RBFOX3: variants seen among roughly 807,000 people sequenced by gnomAD.
RBFOX3 encodes RNA binding fox-1 homolog 3, also known as RNA binding protein fox-1 homolog 3.
Under a neutral mutation model 48.7 loss-of-function variants are expected in RBFOX3, and 17 were observed. The ratio of observed to expected loss-of-function variants is 0.35; its 90% CI spans 0.24 to 0.52. RBFOX3 has a LOEUF of 0.52. Among genes scored for constraint, RBFOX3 ranks in the 20% least tolerant of loss-of-function variants. RBFOX3 has a pLI of 0.94. For synonymous variants in RBFOX3, 212 were observed against 209.5 expected (o/e 1.01, Z -0.10); for missense variants, 382 against 497.5 (o/e 0.77, Z 2.21).
At chr17:79,376,076 A>T (rs2147790348) in intron 2 of RBFOX3, among the ~76,000 whole-genome samples, 1 of 152,256 alleles carries the variant, frequency 6.6e-6, no homozygotes, top group Admixed American at 6.5e-5. Context: ...CCAGATGTGG[A>T]GTCTGAATGC....
At chr17:79,534,613 G>A (rs1469104830) in intron 1 of RBFOX3, among the ~76,000 whole-genome samples, 1 of 152,180 alleles carries the variant, frequency 6.6e-6, no homozygotes, top group Non-Finnish European at 1.5e-5. Flanking sequence ...CCTGAAGCTT[G>A]GTAGCAAATC....
chr17:79,642,412 T>C, the RBFOX3 span, among the ~76,000 whole-genome samples: 2 of 152,228 alleles, frequency 1.3e-5, no homozygotes, highest in African/African-American at 4.8e-5. Flanking sequence ...TTAATTTGCT[T>C]GATTGCAGTA....
At chr17:79,435,096 TG>T (rs2069149458) in intron 2 of RBFOX3, among the ~76,000 whole-genome samples, 3 of 152,244 alleles carry the variant, frequency 2.0e-5, no homozygotes, top group African/African-American at 7.2e-5. Context: ...TCCTTCAATC[TG>T]GGACCCCAAT....
chr17:79,163,211 C>T (rs1479266810), intron 4 of RBFOX3, among the ~76,000 whole-genome samples: 1 of 152,220 alleles, frequency 6.6e-6, no homozygotes, highest in Non-Finnish European at 1.5e-5. Flanking sequence ...GGCCAGCTCC[C>T]TCCTTGGGGC....
intron 1 of RBFOX3, among the ~76,000 whole-genome samples, chr17:79,518,687 C>T (rs1311006103): frequency 7.9e-5 from 12 of 152,198 alleles, no homozygotes; most frequent in Admixed American, 5.2e-4. Flanking sequence ...TCAGGCTCCC[C>T]GTGCAAAACC....
chr17:79,287,251 C>T (rs937202538), intron 3 of RBFOX3, among the ~76,000 whole-genome samples: 12 of 152,314 alleles, frequency 7.9e-5, no homozygotes, highest in Admixed American at 5.9e-4. Context: ...CTCCCAGGTG[C>T]GAGAAGGGCT....
At chr17:79,414,777 T>C (rs1316453) in intron 2 of RBFOX3, among the ~76,000 whole-genome samples, 42,822 of 150,130 alleles carry the variant, frequency 0.29, 7,240 homozygotes, top group East Asian at 0.42. Context: ...GCACTCCCGC[T>C]GGCGCGAACA....
At chr17:79,228,647 A>T (rs1317821286) in intron 4 of RBFOX3, among the ~76,000 whole-genome samples, 1 of 152,170 alleles carries the variant, frequency 6.6e-6, no homozygotes. Flanking sequence ...ATTTGCCAAC[A>T]AGCAGTGCCC....
chr17:79,413,401 T>C (rs961374345), intron 2 of RBFOX3, among the ~76,000 whole-genome samples: 5 of 152,352 alleles, frequency 3.3e-5, no homozygotes, highest in Admixed American at 3.3e-4. Context: ...AGAGGCTTTC[T>C]GAATTTCCAT....
chr17:79,199,997 C>T lies in RBFOX3; in HGVS notation c.-34+35769G>A, dbSNP rs918054717. On this transcript the variant is annotated intron_variant, in intron 4 of 14. Transcript: ENST00000693108. The surrounding 1 kb of genome is among the most constrained non-coding windows in gnomAD (Gnocchi z 5.1). Reference sequence around the variant, plus strand: ...CCAACATGGTGAAACTCCGTCTCTACCAAAAGTACAAAAAAATTAGCTAGG... The same window carrying T: ...CCAACATGGTGAAACTCCGTCTCTATCAAAAGTACAAAAAAATTAGCTAGG... Among the ~76,000 whole-genome samples the T allele has an allele frequency of 1.3e-5, 2 of 151,942 alleles. No individual in the cohort carries two copies. Among genetic ancestry groups the T allele is most frequent in the Non-Finnish European group, 2.9e-5 (2 of 67,988 alleles).
chr17:79,187,809 C>A (rs564205341), intron 4 of RBFOX3, among the ~76,000 whole-genome samples: 3 of 152,022 alleles, frequency 2.0e-5, no homozygotes, highest in East Asian at 1.9e-4. Context: ...CAGCAGACAC[C>A]ACGGGGCAAG....
chr17:79,556,587 C>G (rs1394179993), intron 1 of RBFOX3, among the ~76,000 whole-genome samples: 1 of 152,064 alleles, frequency 6.6e-6, no homozygotes, highest in African/African-American at 2.4e-5. Context: ...ATCAAGTACA[C>G]AAATTAGGGC....
chr17:79,514,070 A>G (rs2084904034), intron 1 of RBFOX3, among the ~76,000 whole-genome samples: 2 of 152,080 alleles, frequency 1.3e-5, no homozygotes, highest in African/African-American at 4.8e-5. Flanking sequence ...CTTTCCTGGT[A>G]TTTACCCCTC....
intron 1 of RBFOX3, among the ~76,000 whole-genome samples, chr17:79,593,733 G>A (rs2093487392): frequency 6.6e-6 from 1 of 152,178 alleles, no homozygotes; most frequent in Non-Finnish European, 1.5e-5. Flanking sequence ...GAGGAGTCGG[G>A]GAGCGACGGA....
At chr17:79,153,983 G>T (rs963060011) in intron 4 of RBFOX3, among the ~76,000 whole-genome samples, 2 of 152,172 alleles carry the variant, frequency 1.3e-5, no homozygotes, top group Non-Finnish European at 2.9e-5. Flanking sequence ...TCCCACGGCA[G>T]CCAGGGAGAT....
chr17:79,189,908 C>T (rs11652708), intron 4 of RBFOX3, among the ~76,000 whole-genome samples: 1 of 152,084 alleles, frequency 6.6e-6, no homozygotes, highest in Non-Finnish European at 1.5e-5. Flanking sequence ...TGGTTGGGCC[C>T]CCACTGCAGA....
intron 1 of RBFOX3, among the ~76,000 whole-genome samples, chr17:79,492,666 G>A (rs1259590256): frequency 2.6e-5 from 4 of 152,214 alleles, no homozygotes; most frequent in African/African-American, 9.6e-5. Context: ...CAGAAACCAT[G>A]AGCTAATAAA....
Position 79,361,912 on chromosome 17 carries a change from G to T in RBFOX3, c.-174-54088C>A, listed in dbSNP as rs1200207108. On this transcript the variant is annotated intron_variant, in intron 2 of 14. Coordinates refer to ENST00000693108, the MANE Select transcript of RBFOX3 (RefSeq NM_001350451.2). The surrounding 1 kb of genome is among the most constrained non-coding windows in gnomAD (Gnocchi z 4.5). ...TGTTCATTAAAACTTCAATAAAAAT[G>T]TTATAAAAATGTCTTATTTTGGTAG... Among the ~76,000 whole-genome samples the T allele has an allele frequency of 1.3e-5, 2 of 152,192 alleles. No individual in the cohort carries two copies. The highest frequency in any genetic ancestry group is 4.1e-4 in the South Asian group (2 of 4,836).
chr17:79,124,934 T>C (rs1406078089), intron 4 of RBFOX3, among the ~76,000 whole-genome samples: 2 of 150,724 alleles, frequency 1.3e-5, no homozygotes, highest in Non-Finnish European at 3.0e-5. Flanking sequence ...GGGAGCCCAG[T>C]CCACGACTCT....
Sources: gnomAD v4.1 joint callset for allele counts (sites outside exome capture counted in the v4.1 genomes callset) on GRCh38, gnomAD v4.1.1 for gene constraint, Gnocchi (gnomAD v3.1) non-coding constraint, MANE v1.5 for transcripts, NCBI Gene and HGNC (gene_info 2026-07-23, HGNC 2026-07-21) for gene names.